The following ZNF267 variants were observed in gnomAD, a reference collection of about 807,000 sequenced individuals.
ZNF267 encodes the protein zinc finger protein 267.
A neutral mutation model predicts 71.6 loss-of-function variants in ZNF267; 61 were observed. The ratio of observed to expected loss-of-function variants is 0.85; its 90% confidence interval spans 0.69 to 1.05. The LOEUF (loss-of-function observed/expected upper bound fraction) is 1.05, where lower values mean the gene tolerates loss of function less well. Among genes scored for constraint, ZNF267 ranks in the 50% least tolerant of loss-of-function variants. The probability of loss-of-function intolerance (pLI) is 0.00; values close to 1 mark genes in which losing one functional copy is unlikely to be tolerated. For synonymous variants in ZNF267, 288 were observed against 293.2 expected, an observed-to-expected ratio of 0.98 and a Z score of 0.18; for missense variants, 852 against 870.0, an observed-to-expected ratio of 0.98 and a Z score of 0.26.
intron 3 of ZNF267, among the ~76,000 whole-genome samples, chr16:31,906,205 C>T (rs943702498): frequency 1.3e-5 from 2 of 152,132 alleles, no homozygotes; most frequent in Admixed American, 6.5e-5. Flanking sequence ...CTGGGGGGTG[C>T]CTCCCAGATA....
At chr16:31,907,860 C>T (rs2084103848) in intron 3 of ZNF267, among the ~76,000 whole-genome samples, 1 of 151,562 alleles carries the variant, frequency 6.6e-6, no homozygotes, top group South Asian at 2.1e-4. Context: ...CATGATGAAA[C>T]CCCGTCTCTA....
intron 1 of ZNF267, among the ~76,000 whole-genome samples, chr16:31,877,991 GA>G (rs1378736651): frequency 6.6e-6 from 1 of 152,168 alleles, no homozygotes; most frequent in African/African-American, 2.4e-5. Context: ...CAGTAGCTTG[GA>G]AGTATAGATA....
intron 3 of ZNF267, among the ~76,000 whole-genome samples, chr16:31,897,643 T>C (rs1299128927): frequency 6.6e-6 from 1 of 152,154 alleles, no homozygotes; most frequent in Non-Finnish European, 1.5e-5. Context: ...GATCTATTGA[T>C]ATTTTGATAG....
At chr16:31,880,561 A>G (rs988046453) in intron 1 of ZNF267, among the ~76,000 whole-genome samples, 20 of 152,060 alleles carry the variant, frequency 1.3e-4, no homozygotes, top group African/African-American at 4.4e-4. Context: ...CTGAATCACT[A>G]TTGGGTTTTC....
intron 1 of ZNF267, among the ~76,000 whole-genome samples, chr16:31,878,479 C>T (rs1044068660): frequency 5.3e-5 from 8 of 152,164 alleles, no homozygotes; most frequent in Admixed American, 3.3e-4. Flanking sequence ...CCTTTGCTTC[C>T]GGTTTCCTGC....
intron 1 of ZNF267, among the ~76,000 whole-genome samples, chr16:31,881,035 C>T (rs3905907): frequency 0.97 from 147,771 of 152,284 alleles, 71,880 homozygotes; most frequent in Middle Eastern, 1. Flanking sequence ...TGTCACCACC[C>T]GAAGGGCCAC....
chr16:31,894,194 T>C (rs1206497580), intron 3 of ZNF267, among the ~76,000 whole-genome samples: 3 of 152,246 alleles, frequency 2.0e-5, no homozygotes, highest in African/African-American at 7.2e-5. Context: ...TTGGAGTTCA[T>C]TTCTTCAAAT....
At chr16:31,902,538 T>G (rs1346923401) in intron 3 of ZNF267, among the ~76,000 whole-genome samples, 5 of 152,010 alleles carry the variant, frequency 3.3e-5, no homozygotes, top group Non-Finnish European at 7.4e-5. Context: ...CTAGGTATTT[T>G]ATTCTCTTTG....
chr16:31,913,550 T>G (rs2142363241), intron 3 of ZNF267: 1 of 152,394 alleles, frequency 6.6e-6, no homozygotes, highest in Non-Finnish European at 1.5e-5. Flanking sequence ...TGAGTTCCCT[T>G]TGGCCCCAGG....
In ZNF267 at chr16:31,890,967, A is replaced by G. The variant is rs1434873442; in HGVS notation, c.226+5711A>G. On this transcript the variant is annotated intron_variant, in intron 3 of 3. Transcript: ENST00000300870. ...CTCTTTATATGTAAAGTAATTATTG[A>G]TACATAAGGATTTACTATTACAGTT... Among the ~76,000 whole-genome samples the G allele has an allele frequency of 5.9e-5, 9 of 152,238 alleles. No individual in the cohort carries two copies. The South Asian group carries it at 1.0e-3, about 18-fold the overall frequency.
chr16:31,886,343 A>G (rs1313619518), intron 3 of ZNF267, among the ~76,000 whole-genome samples: 1 of 152,150 alleles, frequency 6.6e-6, no homozygotes, highest in Non-Finnish European at 1.5e-5. Context: ...CCTGTGAGGA[A>G]TCCGATCACA....
chr16:31,897,152 C>G, intron 3 of ZNF267, among the ~76,000 whole-genome samples: 1 of 113,262 alleles, frequency 8.8e-6, no homozygotes. Context: ...CAAAACAAAA[C>G]AAAACAAAAA....
chr16:31,877,508 GTTC>G (rs909352112), intron 1 of ZNF267, among the ~76,000 whole-genome samples: 2 of 152,182 alleles, frequency 1.3e-5, no homozygotes, highest in Admixed American at 1.3e-4. Flanking sequence ...ATGTCAGCCT[GTTC>G]TTAGGAGGGG....
In ZNF267 at chr16:31,916,191, A is replaced by C; in HGVS notation, c.1942A>C (p.Thr648Pro). Residue 648 changes from threonine to proline, a missense_variant, in exon 4 of 4, where the codon ACT (threonine) becomes CCT (proline). Physicochemically the swap from Thr to Pro is conservative, Grantham distance 38 (BLOSUM62 -1). Transcript: ENST00000300870. ...GKAFNYRSYL[T>P]THQRSHTGER... is the part of the protein sequence containing the mutation. ...AGCCTTCAACTATAGGTCATACCTC[A>C]CTACACATCAGAGAAGTCATACTGG... 1.9e-6 allele frequency: 3 copies of C among 1,614,200 alleles called. No individual in the cohort carries two copies. Among genetic ancestry groups the C allele is most frequent in the Non-Finnish European group, 2.5e-6 (3 of 1,180,026 alleles).
In ZNF267 at chr16:31,914,823, A is replaced by G. The variant is rs2142364355; in HGVS notation, c.574A>G (p.Lys192Glu). 6.2e-7 allele frequency: 1 copy of G among 1,611,334 alleles called. No homozygotes were observed. The highest frequency in any genetic ancestry group is 8.5e-7 in the Non-Finnish European group (1 of 1,179,236). Residue 192 changes from lysine to glutamate, a missense_variant, in exon 4 of 4, where the codon AAA (lysine) becomes GAA (glutamate). Lys to Glu is a moderately conservative substitution (Grantham distance 56). Coordinates refer to ENST00000300870, the MANE Select transcript of ZNF267 (RefSeq NM_003414.6). ...DIWGKHHIYD[K>E]TSVLFRQVST... is the part of the protein sequence containing the mutation. The stretch of plus-strand genomic sequence containing the variant: ...TTGGGGAAAACATCACATATATGAT[A>G]AAACTTCAGTGTTATTTAGGCAGGT...
rs532474673 is a variant in ZNF267, at chr16:31,877,131, C to A, written c.3+3162C>A. Among the ~76,000 whole-genome samples the A allele has an allele frequency of 4.7e-4, 71 of 150,900 alleles. 1 individual carries two copies. The highest frequency in any genetic ancestry group is 8.0e-4 in the Non-Finnish European group (54 of 67,314). Reference sequence around the variant, plus strand: ...CCTACTCATTAATCATTTTAACACTCCCCCCACCCGACAACTGGTTTTCCC... The same window carrying A: ...CCTACTCATTAATCATTTTAACACTACCCCCACCCGACAACTGGTTTTCCC... On this transcript the variant is annotated intron_variant, in intron 1 of 3. Transcript: ENST00000300870.
chr16:31,907,967 C>T (rs545325590), intron 3 of ZNF267, among the ~76,000 whole-genome samples: 57 of 151,888 alleles, frequency 3.8e-4, no homozygotes, highest in African/African-American at 1.1e-3. Flanking sequence ...GGCCTGAACC[C>T]GGGAGGTGGA....
intron 3 of ZNF267, among the ~76,000 whole-genome samples, chr16:31,886,073 T>C (rs187012718): frequency 1.4e-4 from 22 of 152,348 alleles, no homozygotes; most frequent in Admixed American, 5.9e-4. Context: ...TTACTGAGAA[T>C]GTGTCCTTTA....
At chr16:31,910,565 T>C (rs2084127987) in intron 3 of ZNF267, among the ~76,000 whole-genome samples, 1 of 151,684 alleles carries the variant, frequency 6.6e-6, no homozygotes, top group Non-Finnish European at 1.5e-5. Flanking sequence ...ACTAATAATC[T>C]TTTGAATTTC....
Sources: allele counts gnomAD v4.1 joint callset (sites outside exome capture counted in the v4.1 genomes callset), GRCh38; gene constraint gnomAD v4.1.1; transcripts MANE v1.5; gene names NCBI Gene and HGNC (gene_info 2026-07-23, HGNC 2026-07-21).